The following SPACA7 variants were observed in gnomAD, a reference collection of about 807,000 sequenced individuals.
SPACA7 encodes the protein sperm acrosome-associated protein 7.
In SPACA7, 19 loss-of-function variants were observed where a neutral mutation model predicts 26.3. That is an observed-to-expected ratio of 0.72 (90% CI 0.50 to 1.06). The LOEUF (loss-of-function observed/expected upper bound fraction) is 1.06. Among genes scored for constraint, SPACA7 ranks in the 50% least tolerant of loss-of-function variants. The probability of loss-of-function intolerance (pLI) is 0.00; values close to 1 mark genes in which losing one functional copy is unlikely to be tolerated. For synonymous variants in SPACA7, 84 were observed against 84.5 expected (o/e 0.99, Z 0.04); for missense variants, 211 against 229.9 (o/e 0.92, Z 0.53).
chr13:112,377,623 G>A (rs1197514841), intron 1 of SPACA7, among the ~76,000 whole-genome samples: 5 of 152,180 alleles, frequency 3.3e-5, no homozygotes, highest in Non-Finnish European at 7.3e-5. Flanking sequence ...GACTTCACAG[G>A]ATTCCTACTA....
At chr13:112,415,266 C>G (rs1034813064) in intron 5 of SPACA7, among the ~76,000 whole-genome samples, 1 of 152,180 alleles carries the variant, frequency 6.6e-6, no homozygotes, top group African/African-American at 2.4e-5. Context: ...AATGCTGGGT[C>G]TCACCCAAAG....
At chr13:112,432,657 G>A (rs1305940320) in intron 6 of SPACA7, 136 bp downstream of exon 6, 1 of 653,938 alleles carries the variant, frequency 1.5e-6, no homozygotes. Context: ...AGCTCCACAG[G>A]AGCCCCTGTC....
intron 1 of SPACA7, among the ~76,000 whole-genome samples, chr13:112,381,561 A>G (rs888815872): frequency 6.6e-6 from 1 of 151,988 alleles, no homozygotes; most frequent in Non-Finnish European, 1.5e-5. Flanking sequence ...CCCCCTGCCC[A>G]GGCAGAGCCA....
At chr13:112,411,613 C>A (rs1417910352) in intron 5 of SPACA7, among the ~76,000 whole-genome samples, 1 of 152,110 alleles carries the variant, frequency 6.6e-6, no homozygotes, top group African/African-American at 2.4e-5. Context: ...ACCTTCCCAG[C>A]CTCTGGTAAC....
chr13:112,434,311 A>G (rs1337730182), intron 6 of SPACA7, among the ~76,000 whole-genome samples, 174 bp from the exon 7 acceptor site: 1 of 152,174 alleles, frequency 6.6e-6, no homozygotes, highest in African/African-American at 2.4e-5. Flanking sequence ...AGCCTGACGC[A>G]GCCAGTGCCC....
intron 6 of SPACA7, 28 bp from the exon 7 acceptor site, chr13:112,434,457 A>C (rs1445229605): frequency 1.3e-6 from 2 of 1,588,020 alleles, no homozygotes. Flanking sequence ...ACACACTGCC[A>C]GTCTCAAAAT....
At chr13:112,396,453 T>G (rs193272373) in intron 2 of SPACA7, among the ~76,000 whole-genome samples, 3 of 152,288 alleles carry the variant, frequency 2.0e-5, no homozygotes, top group African/African-American at 4.8e-5. Flanking sequence ...CTGTGCCTGG[T>G]CACGGCTGTA....
intron 5 of SPACA7, among the ~76,000 whole-genome samples, chr13:112,410,910 C>T (rs895508127): frequency 2.6e-5 from 4 of 152,178 alleles, no homozygotes; most frequent in African/African-American, 4.8e-5. Flanking sequence ...TGTCCACTGA[C>T]GAATACATGG....
chr13:112,425,194 CTG>C (rs1876413464), intron 5 of SPACA7, among the ~76,000 whole-genome samples: 1 of 152,154 alleles, frequency 6.6e-6, no homozygotes, highest in Non-Finnish European at 1.5e-5. Flanking sequence ...ACAGGCTCCC[CTG>C]CAGGGTGACA....
intron 1 of SPACA7, among the ~76,000 whole-genome samples, chr13:112,377,208 GA>G (rs1883752724): frequency 6.6e-6 from 1 of 152,154 alleles, no homozygotes; most frequent in Admixed American, 6.5e-5. Flanking sequence ...AAACAAAAAT[GA>G]AGCATTTATA....
chr13:112,411,360 A>G (rs926250490), intron 5 of SPACA7, among the ~76,000 whole-genome samples: 10 of 152,124 alleles, frequency 6.6e-5, no homozygotes, highest in Non-Finnish European at 1.5e-4. Context: ...ACATTTTGCT[A>G]TATGCATACA....
At chr13:112,381,388 G>C (rs1884047071) in intron 1 of SPACA7, among the ~76,000 whole-genome samples, 2 of 151,844 alleles carry the variant, frequency 1.3e-5, no homozygotes, top group Admixed American at 1.3e-4. Flanking sequence ...GGCTGCTTGG[G>C]AGGCTCAGAT....
chr13:112,408,510 CT>C (rs1886136280), intron 5 of SPACA7, among the ~76,000 whole-genome samples: 2 of 151,788 alleles, frequency 1.3e-5, no homozygotes, highest in Admixed American at 6.6e-5. Flanking sequence ...TGATAAGCAA[CT>C]TCAGCAAAAT....
chr13:112,424,775 G>A (rs781295254), intron 5 of SPACA7, among the ~76,000 whole-genome samples: 4 of 152,130 alleles, frequency 2.6e-5, no homozygotes, highest in Non-Finnish European at 4.4e-5. Flanking sequence ...ACAAGAGGCA[G>A]GGCCGGTGGC....
chr13:112,378,541 A>ATTT (rs954145339), intron 1 of SPACA7: 3 of 361,954 alleles, frequency 8.3e-6, no homozygotes, highest in African/African-American at 6.4e-5. Context: ...CTCAGATTAG[A>ATTT]TTTTTTAAAA....
At chr13:112,392,755 A>G (rs751090804) in intron 1 of SPACA7, among the ~76,000 whole-genome samples, 3 of 152,152 alleles carry the variant, frequency 2.0e-5, no homozygotes, top group Non-Finnish European at 2.9e-5. Context: ...GGGCAGGCTC[A>G]GCTCAGAGCT....
At chr13:112,418,415 A>T (rs1886823657) in intron 5 of SPACA7, among the ~76,000 whole-genome samples, 1 of 152,230 alleles carries the variant, frequency 6.6e-6, no homozygotes, top group South Asian at 2.1e-4. Flanking sequence ...TAACAAGACT[A>T]CACCCTCAGT....
intron 1 of SPACA7, among the ~76,000 whole-genome samples, chr13:112,387,058 C>T (rs1412078940): frequency 6.6e-6 from 1 of 152,188 alleles, no homozygotes; most frequent in Non-Finnish European, 1.5e-5. Flanking sequence ...GACTAGAACC[C>T]AGGCCACCAT....
chr13:112,434,411 C>A, intron 6 of SPACA7, 74 bp from the exon 7 acceptor site: 1 of 1,300,888 alleles, frequency 7.7e-7, no homozygotes, highest in Non-Finnish European at 1.1e-6. Flanking sequence ...CCCTGGTGTC[C>A]CTCGATCCTG....
Sources: gnomAD v4.1 joint callset for allele counts (sites outside exome capture counted in the v4.1 genomes callset) on GRCh38, gnomAD v4.1.1 for gene constraint, MANE v1.5 for transcripts, NCBI Gene and HGNC (gene_info 2026-07-23, HGNC 2026-07-21) for gene names.